The following CIST1 variants were observed in gnomAD, a reference collection of about 807,000 sequenced individuals.
CIST1 encodes the protein colon, intestine and stomach enriched 1.
chr19:18,251,530 G>C, the CIST1 span, among the ~76,000 whole-genome samples: 30 of 151,794 alleles, frequency 2.0e-4, no homozygotes, highest in East Asian at 5.2e-3. Flanking sequence ...TGCCGCCTGG[G>C]TTCAAGCGAT....
At chr19:18,250,844 GCTTA>G in the CIST1 span, among the ~76,000 whole-genome samples, 1 of 150,458 alleles carries the variant, frequency 6.6e-6, no homozygotes, top group South Asian at 2.1e-4. Flanking sequence ...CGTTATCTCA[GCTTA>G]CTGTGACCTC....
chr19:18,251,761 A>G, the CIST1 span, among the ~76,000 whole-genome samples: 1 of 124,424 alleles, frequency 8.0e-6, no homozygotes, highest in African/African-American at 2.8e-5. Context: ...CCATTTTTAG[A>G]TTTTTTTGTA....
the CIST1 span, among the ~76,000 whole-genome samples, chr19:18,254,421 G>T: frequency 1.3e-5 from 2 of 152,300 alleles, no homozygotes; most frequent in South Asian, 4.1e-4. Context: ...TTGACCAGAA[G>T]GTAAAAATAA....
At chr19:18,254,525 G>A in the CIST1 span, among the ~76,000 whole-genome samples, 1 of 152,176 alleles carries the variant, frequency 6.6e-6, no homozygotes, top group Non-Finnish European at 1.5e-5. Flanking sequence ...TTCTAATCTG[G>A]GTCTGGGACA....
At chr19:18,253,309 G>A in the CIST1 span, among the ~76,000 whole-genome samples, 1 of 152,242 alleles carries the variant, frequency 6.6e-6, no homozygotes, top group Admixed American at 6.5e-5. Flanking sequence ...CCTGACCCCA[G>A]GAATTCAAGG....
chr19:18,251,941 A>G, the CIST1 span: 26 of 397,130 alleles, frequency 6.5e-5, no homozygotes, highest in Non-Finnish European at 5.8e-5. Context: ...ACAATGGAGC[A>G]GAGACAAGAA....
chr19:18,250,066 G>A, the CIST1 span: 1 of 398,702 alleles, frequency 2.5e-6, no homozygotes, highest in Non-Finnish European at 4.4e-6. Context: ...ATTTCCTCAG[G>A]TTCTGCTCCT....
At chr19:18,252,077 C>T in the CIST1 span, 2 of 398,926 alleles carry the variant, frequency 5.0e-6, no homozygotes. Flanking sequence ...GGCCAGGGGG[C>T]TCCAAGGTCT....
chr19:18,252,614 C>A, the CIST1 span: 1 of 379,106 alleles, frequency 2.6e-6, no homozygotes. Flanking sequence ...CTTTCTCTCT[C>A]TCTTTTTTTT....
the CIST1 span, chr19:18,250,282 G>A: frequency 1.8e-5 from 7 of 398,962 alleles, no homozygotes; most frequent in Non-Finnish European, 3.1e-5. Flanking sequence ...TTGGCCCCAG[G>A]GCTGAGCCCC....
chr19:18,252,774 C>T, the CIST1 span, among the ~76,000 whole-genome samples: 2,237 of 152,192 alleles, frequency 0.015, 46 homozygotes, highest in African/African-American at 0.051. Flanking sequence ...TGCATTACCA[C>T]GCCTGGCTAA....
chr19:18,250,433 G>T, the CIST1 span: 1 of 399,098 alleles, frequency 2.5e-6, no homozygotes, highest in Non-Finnish European at 4.4e-6. Flanking sequence ...CACCACACTC[G>T]GGTTCCTGTG....
the CIST1 span, among the ~76,000 whole-genome samples, chr19:18,252,905 C>A: frequency 6.6e-6 from 1 of 152,158 alleles, no homozygotes; most frequent in African/African-American, 2.4e-5. Context: ...TCATGCCCAG[C>A]CTTTTCATTT....
chr19:18,252,985 G>A, the CIST1 span, among the ~76,000 whole-genome samples: 1 of 152,104 alleles, frequency 6.6e-6, no homozygotes, highest in Non-Finnish European at 1.5e-5. Flanking sequence ...CACCATGTGA[G>A]CTCTCAGTGG....
chr19:18,250,390 G>C, the CIST1 span: 9,099 of 399,046 alleles, frequency 0.023, 710 homozygotes, highest in African/African-American at 0.16. Context: ...CAGACCCGAT[G>C]AGCAAAAGAG....
the CIST1 span, chr19:18,250,215 A>G: frequency 2.5e-6 from 1 of 398,882 alleles, no homozygotes. Flanking sequence ...TCAGACACCA[A>G]AAGGCTCTGC....
chr19:18,252,279 G>A, the CIST1 span: 1 of 399,076 alleles, frequency 2.5e-6, no homozygotes. Context: ...TGTGGAGCTG[G>A]GGCTCGGCTG....
the CIST1 span, among the ~76,000 whole-genome samples, chr19:18,252,772 C>T: frequency 6.6e-6 from 1 of 152,238 alleles, no homozygotes; most frequent in East Asian, 1.9e-4. Context: ...CGTGCATTAC[C>T]ACGCCTGGCT....
At chr19:18,250,372 C>A in the CIST1 span, 1 of 399,166 alleles carries the variant, frequency 2.5e-6, no homozygotes, top group Non-Finnish European at 4.4e-6. Flanking sequence ...ATCTCACAGC[C>A]ATGACCACAG....
Sources: allele counts gnomAD v4.1 joint callset (sites outside exome capture counted in the v4.1 genomes callset), GRCh38; gene constraint gnomAD v4.1.1; transcripts MANE v1.5; gene names NCBI Gene and HGNC (gene_info 2026-07-23, HGNC 2026-07-21).